The following PRKG1 variants were observed in gnomAD, a reference collection of about 807,000 sequenced individuals.
PRKG1 encodes the protein protein kinase cGMP-dependent 1.
PRKG1 carries 35 observed loss-of-function variants against 88.1 expected under a neutral mutation model. The observed-to-expected ratio is 0.40, with a 90% CI of 0.30 to 0.53. The LOEUF is 0.53. Among genes scored for constraint, PRKG1 ranks in the 20% least tolerant of loss-of-function variants. PRKG1 has a pLI of 0.59. For missense variants in PRKG1, 540 were observed against 839.8 expected (o/e 0.64, Z 4.41); for synonymous variants, 303 against 292.5 (o/e 1.04, Z -0.37).
chr10:51,523,995 G>A (rs373671580), intron 3 of PRKG1, among the ~76,000 whole-genome samples: 2 of 152,130 alleles, frequency 1.3e-5, no homozygotes, highest in South Asian at 2.1e-4. Context: ...GAATGGTTTA[G>A]CATCATCCTC....
intron 1 of PRKG1, among the ~76,000 whole-genome samples, chr10:51,139,252 A>C (rs1845768661): frequency 6.6e-6 from 1 of 152,236 alleles, no homozygotes; most frequent in Admixed American, 6.5e-5. Context: ...AAAAACTAGC[A>C]CAGTGGAGAG....
At chr10:51,529,416 T>A (rs1841960238) in intron 3 of PRKG1, among the ~76,000 whole-genome samples, 1 of 152,222 alleles carries the variant, frequency 6.6e-6, no homozygotes, top group Non-Finnish European at 1.5e-5. Context: ...CAGGCTCATA[T>A]GGAAATACAC....
At chr10:52,240,080 T>C (rs1156334789) in intron 9 of PRKG1, among the ~76,000 whole-genome samples, 1 of 152,200 alleles carries the variant, frequency 6.6e-6, no homozygotes, top group Non-Finnish European at 1.5e-5. Context: ...AAGGTAAAAG[T>C]TATGAAGAAG....
intron 1 of PRKG1, among the ~76,000 whole-genome samples, chr10:51,131,651 G>A (rs1186983649): frequency 6.6e-6 from 1 of 152,156 alleles, no homozygotes; most frequent in Non-Finnish European, 1.5e-5. Flanking sequence ...GAAGGATAAG[G>A]TACAGTTTGT....
intron 5 of PRKG1, among the ~76,000 whole-genome samples, chr10:51,987,270 G>A (rs528786977): frequency 2.0e-5 from 3 of 151,478 alleles, no homozygotes; most frequent in East Asian, 3.9e-4. Flanking sequence ...ATGTACTTTT[G>A]TGAAGCCACT....
chr10:52,058,863 C>A (rs1440814277), intron 6 of PRKG1, among the ~76,000 whole-genome samples: 1 of 151,656 alleles, frequency 6.6e-6, no homozygotes, highest in Admixed American at 6.6e-5. Context: ...AATGGAAAGA[C>A]AAATTACTAA....
chr10:51,502,779 G>A (rs1038486124), intron 3 of PRKG1, among the ~76,000 whole-genome samples: 1 of 152,148 alleles, frequency 6.6e-6, no homozygotes, highest in Non-Finnish European at 1.5e-5. Context: ...GATTAGTCAA[G>A]TCTAGAGGTC....
intron 1 of PRKG1, among the ~76,000 whole-genome samples, chr10:51,042,087 C>G (rs966648339): frequency 6.6e-6 from 1 of 152,156 alleles, no homozygotes; most frequent in Non-Finnish European, 1.5e-5. Flanking sequence ...AAGCCCAGCT[C>G]ATTTTGACAG....
chr10:51,761,134 C>T (rs2132527511), intron 3 of PRKG1, among the ~76,000 whole-genome samples: 1 of 152,276 alleles, frequency 6.6e-6, no homozygotes, highest in Non-Finnish European at 1.5e-5. Flanking sequence ...ACAAAAAGAT[C>T]AACAGGAACC....
At chr10:52,151,105 T>C (rs556793251) in intron 8 of PRKG1, among the ~76,000 whole-genome samples, 1 of 152,268 alleles carries the variant, frequency 6.6e-6, no homozygotes, top group South Asian at 2.1e-4. Flanking sequence ...TTTTAGGTTT[T>C]AGGGTACATG....
chr10:51,420,821 C>T (rs1181332232), intron 2 of PRKG1, among the ~76,000 whole-genome samples: 1 of 152,154 alleles, frequency 6.6e-6, no homozygotes, highest in Non-Finnish European at 1.5e-5. Flanking sequence ...CTGCTGAGGC[C>T]TCAGGAAGCT....
At chr10:51,717,554 A>G (rs1316034090) in intron 3 of PRKG1, among the ~76,000 whole-genome samples, 2 of 152,156 alleles carry the variant, frequency 1.3e-5, no homozygotes, top group African/African-American at 4.8e-5. Context: ...GTAATGGGCC[A>G]GGTACTGTGG....
chr10:51,227,072 G>A lies in PRKG1; in HGVS notation c.478+73742G>A, dbSNP rs1838712245. ...TATTTAGAGGAAATCTCTCACCTTT[G>A]AACTCTTACAGAACTTTAAGTCATT... is the stretch of plus-strand genomic sequence containing the variant. On this transcript the variant is annotated intron_variant, in intron 2 of 17. Coordinates refer to ENST00000373980, the MANE Select transcript of PRKG1 (RefSeq NM_006258.4). 1.3e-5 allele frequency among the ~76,000 whole-genome samples: 2 copies of A among 151,500 alleles called. 1 individual carries two copies. Among genetic ancestry groups the A allele is most frequent in the South Asian group, 4.2e-4 (2 of 4,812 alleles).
intron 14 of PRKG1, among the ~76,000 whole-genome samples, chr10:52,288,404 C>T (rs1842168350): frequency 6.6e-6 from 1 of 152,106 alleles, no homozygotes; most frequent in East Asian, 1.9e-4. Flanking sequence ...CAAGTATAAT[C>T]AATGAGTCAG....
chr10:51,291,126 C>T (rs1314608895), intron 2 of PRKG1, among the ~76,000 whole-genome samples: 1 of 152,136 alleles, frequency 6.6e-6, no homozygotes. Flanking sequence ...ATCAAAATGA[C>T]TCTTCTCTTC....
chr10:51,130,920 A>G (rs1045164135), intron 1 of PRKG1, among the ~76,000 whole-genome samples: 6 of 152,190 alleles, frequency 3.9e-5, no homozygotes, highest in African/African-American at 1.4e-4. Flanking sequence ...ACAAAAACAA[A>G]AAAAGAAAAA....
chr10:51,913,852 G>C (rs1010977998), intron 5 of PRKG1, among the ~76,000 whole-genome samples: 1 of 152,086 alleles, frequency 6.6e-6, no homozygotes, highest in Admixed American at 6.5e-5. Flanking sequence ...GGAGTTTTAG[G>C]TGCAAGTATG....
At chr10:52,247,895 A>G (rs1238555997) in intron 9 of PRKG1, among the ~76,000 whole-genome samples, 1 of 152,206 alleles carries the variant, frequency 6.6e-6, no homozygotes, top group Non-Finnish European at 1.5e-5. Flanking sequence ...CATGGGTCTC[A>G]CAGCTTTCAG....
At chr10:51,316,345 T>C (rs1437792683) in intron 2 of PRKG1, among the ~76,000 whole-genome samples, 1 of 152,234 alleles carries the variant, frequency 6.6e-6, no homozygotes, top group African/African-American at 2.4e-5. Flanking sequence ...TATTACTTTA[T>C]AGAATGAAGA....
Sources: gnomAD v4.1 joint callset for allele counts (sites outside exome capture counted in the v4.1 genomes callset) on GRCh38, gnomAD v4.1.1 for gene constraint, MANE v1.5 for transcripts, NCBI Gene and HGNC (gene_info 2026-07-23, HGNC 2026-07-21) for gene names.